ALX3: variants seen among roughly 807,000 people sequenced by gnomAD.
ALX3 encodes the protein homeobox protein aristaless-like 3.
Under a neutral mutation model 26.3 loss-of-function variants are expected in ALX3, and 17 were observed. The observed-to-expected ratio is 0.65, with a 90% CI of 0.44 to 0.97. The LOEUF (loss-of-function observed/expected upper bound fraction) is 0.97. Among genes scored for constraint, ALX3 ranks in the 50% least tolerant of loss-of-function variants. The pLI is 0.00. For missense variants in ALX3, 461 were observed against 466.5 expected (o/e 0.99, Z 0.11); for synonymous variants, 208 against 201.4 (o/e 1.03, Z -0.28).
intron 2 of ALX3, among the ~76,000 whole-genome samples, chr1:110,063,276 C>G (rs1029662458): frequency 6.6e-6 from 1 of 152,222 alleles, no homozygotes; most frequent in Non-Finnish European, 1.5e-5. Flanking sequence ...TCCTGATTCC[C>G]ATGGCTTATA....
intron 1 of ALX3, among the ~76,000 whole-genome samples, chr1:110,065,177 C>G (rs1028477179): frequency 6.6e-6 from 1 of 152,150 alleles, no homozygotes; most frequent in Non-Finnish European, 1.5e-5. Flanking sequence ...GGGAAGTGCT[C>G]TGTGGTGGTG....
rs2101793588 is a variant in ALX3 at position 110,060,139 on chromosome 1, G to A, written c.*594C>T. ...CCCTTGGAGGGGAAGATGACTGCATGGCATGCTGGGAGTGCAGGCACATGG... is the reference window on the plus strand; with the variant it reads ...CCCTTGGAGGGGAAGATGACTGCATAGCATGCTGGGAGTGCAGGCACATGG... On this transcript the variant is annotated 3_prime_UTR_variant, in exon 4 of 4. Transcript: ENST00000647563. 6.6e-6 allele frequency: 1 copy of A among 152,384 alleles called. No homozygotes were observed. Among genetic ancestry groups the A allele is most frequent in the East Asian group, 1.9e-4 (1 of 5,170 alleles). 9.4% of individuals were successfully genotyped at this position (152,384 alleles called of 1,614,324 possible).
intron 2 of ALX3, among the ~76,000 whole-genome samples, chr1:110,063,464 G>C (rs1379931176): frequency 6.6e-6 from 1 of 152,148 alleles, no homozygotes; most frequent in Non-Finnish European, 1.5e-5. Context: ...TGCAGCCGTA[G>C]GGCCTTCTCT....
intron 2 of ALX3, 139 bp downstream of exon 2, chr1:110,064,448 A>G (rs549960194): frequency 2.9e-5 from 30 of 1,033,662 alleles, no homozygotes; most frequent in Non-Finnish European, 4.0e-5. Flanking sequence ...TGAGCCCAGG[A>G]GGGGAAGGCT....
Position 110,064,764 on chromosome 1 carries a change from T to TC in ALX3, c.416dup (p.Leu140ThrfsTer3). On this transcript the variant is annotated frameshift_variant, in exon 2 of 4. Transcript: ENST00000647563. LOFTEE classifies it high-confidence loss of function. ...TGGCCAACTCCATGGAGTCAGGGAG[T>TC]CCCGGGGAAAGAGGAAGATGCAGGC... 6.2e-7 allele frequency: 1 copy of TC among 1,613,466 alleles called. No homozygotes were observed. Among genetic ancestry groups the TC allele is most frequent in the Non-Finnish European group, 8.5e-7 (1 of 1,179,898 alleles).
At chr1:110,064,451 G>A in intron 2 of ALX3, 136 bp downstream of exon 2, 2 of 1,076,604 alleles carry the variant, frequency 1.9e-6, no homozygotes, top group South Asian at 2.9e-5. Context: ...GCCCAGGAGG[G>A]GAAGGCTGGT....
chr1:110,070,305 G>C (rs931823181), intron 1 of ALX3, 31 bp downstream of exon 1: 8 of 1,291,672 alleles, frequency 6.2e-6, no homozygotes, highest in Non-Finnish European at 7.9e-6. Flanking sequence ...AGAGGGTCGG[G>C]CTGCGCGCTA....
Position 110,060,935 on chromosome 1 carries a change from G to A in ALX3, c.830C>T (p.Pro277Leu). The part of the protein sequence containing the change: ...PSPCMSPYSH[P>L]HGSVAGFMGV... ...CATGAAGCCAGCCACACTCCCATGG[G>A]GGTGGGAATATGGAGACATGCATGG... The change falls in exon 4 of 4, where the codon CCC becomes CTC. Residue 277 changes from proline (P) to leucine (L), a missense_variant. Coordinates refer to ENST00000647563, the MANE Select transcript of ALX3 (RefSeq NM_006492.3). The A allele has an allele frequency of 6.2e-7, 1 of 1,613,360 alleles. No homozygotes were observed. The highest frequency in any genetic ancestry group is 1.1e-5 in the South Asian group (1 of 91,026).
rs1653617439 is a variant in ALX3, at chr1:110,060,785, G to A, written c.980C>T (p.Ser327Leu). Reference protein sequence around the residue: ...DGDYKSPSLVSLRVKPKEPPG... With the variant: ...DGDYKSPSLVLLRVKPKEPPG... ...TGGCTCCTTGGGCTTTACCCTGAGC[G>A]AGACGAGGCTTGGAGACTTATAGTC... Residue 327 changes from serine to leucine, a missense_variant, in exon 4 of 4, where the codon TCG becomes TTG. Ser to Leu is a moderately radical substitution (Grantham distance 145). Coordinates refer to ENST00000647563, the MANE Select transcript of ALX3 (RefSeq NM_006492.3). 3 of 1,613,156 alleles carry A rather than the reference G, an allele frequency of 1.9e-6. No homozygotes were observed. The highest frequency in any genetic ancestry group is 2.5e-6 in the Non-Finnish European group (3 of 1,179,464).
intron 2 of ALX3, among the ~76,000 whole-genome samples, chr1:110,064,072 C>T (rs1041982405): frequency 6.6e-6 from 1 of 152,036 alleles, no homozygotes; most frequent in Non-Finnish European, 1.5e-5. Context: ...GACCCAAGGT[C>T]GGTGGCTCCT....
rs1232577650 is a variant in ALX3 at position 110,064,889 on chromosome 1, A to C, written c.292T>G (p.Ser98Ala). 5 of 1,608,294 alleles carry C rather than the reference A, an allele frequency of 3.1e-6. No homozygotes were observed. In the South Asian group the frequency reaches 5.5e-5, roughly 18 times the overall value. ...AGCTGGGGGAAGCTGGCAGCTTTGG[A>C]GGTCTTCTCCTCAGCTGCAATGGAG... ...EGPAEAEEKT[S>A]KAASFPQLPL... Residue 98 changes from serine (S) to alanine (A), a missense_variant, in exon 2 of 4, where the codon TCC (serine) becomes GCC (alanine). This residue lies in a region of ALX3 where 241 missense variants were observed against 206.1 expected (regional missense o/e 1.17). Coordinates refer to ENST00000647563, the MANE Select transcript of ALX3 (RefSeq NM_006492.3).
In ALX3 at chr1:110,070,473, C is replaced by T. The variant is rs1301333738; in HGVS notation, c.140G>A (p.Arg47Gln). 4 of 1,257,288 alleles carry T rather than the reference C, an allele frequency of 3.2e-6. No homozygotes were observed. The African/African-American group carries it at 4.6e-5, about 15-fold the overall frequency. The allele number at this position is 1,257,288 out of a possible 1,614,324, so 77.9% of individuals were successfully genotyped here. A position where few individuals can be genotyped will look rare whatever the true frequency, so the allele number is the denominator to read the frequency against. ...HLHPAPPRGP[R>Q]LTRFPACGPL... ...CCCGCAGGCCGGAAAGCGGGTCAGCCGCGGGCCGCGGGGCGGCGCGGGGTG... is the reference window on the plus strand; with the variant it reads ...CCCGCAGGCCGGAAAGCGGGTCAGCTGCGGGCCGCGGGGCGGCGCGGGGTG... Residue 47 changes from arginine (R) to glutamine (Q), a missense_variant, in exon 1 of 4, where the codon CGG becomes CAG. This residue lies in a region of ALX3 where 241 missense variants were observed against 206.1 expected (regional missense o/e 1.17). Coordinates refer to ENST00000647563, the MANE Select transcript of ALX3 (RefSeq NM_006492.3).
chr1:110,061,690 A>G lies in ALX3; in HGVS notation c.595-127T>C, dbSNP rs546279305. ...GCAGGCTCCAGGATGGAGGATCTCA[A>G]CTGTTAATCCACACTGTTCTCCAGG... On this transcript the variant is annotated intron_variant, in intron 2 of 3. Coordinates refer to ENST00000647563, the MANE Select transcript of ALX3 (RefSeq NM_006492.3). 4 of 1,399,392 alleles carry G rather than the reference A, an allele frequency of 2.9e-6. No homozygotes were observed. In the Admixed American group the frequency reaches 7.8e-5, roughly 27 times the overall value. The allele number at this position is 1,399,392 out of a possible 1,614,324, so 86.7% of individuals were successfully genotyped here.
chr1:110,068,357 A>G (rs1376679113), intron 1 of ALX3, among the ~76,000 whole-genome samples: 2 of 152,198 alleles, frequency 1.3e-5, no homozygotes, highest in Non-Finnish European at 2.9e-5. Context: ...ACTGTCCTCA[A>G]GCAGCCAGGC....
chr1:110,066,308 G>C (rs1653781602), intron 1 of ALX3, among the ~76,000 whole-genome samples: 1 of 152,192 alleles, frequency 6.6e-6, no homozygotes, highest in African/African-American at 2.4e-5. Flanking sequence ...GTCGAGCAGG[G>C]CTACCTAGCC....
In ALX3 at chr1:110,064,391, A is replaced by G. The variant is rs145976624; in HGVS notation, c.594+196T>C. Reference sequence around the variant, plus strand: ...CCCTTATACCCAGGCATAAGCTTCAATTTGGACCAGAAGAGCCTGTGGCTG... The same window carrying G: ...CCCTTATACCCAGGCATAAGCTTCAGTTTGGACCAGAAGAGCCTGTGGCTG... On this transcript the variant is annotated intron_variant, in intron 2 of 3. Coordinates refer to ENST00000647563, the MANE Select transcript of ALX3 (RefSeq NM_006492.3). 6.1e-3 allele frequency among the ~76,000 whole-genome samples: 936 copies of G among 152,276 alleles called. 16 individuals carry two copies. The highest frequency in any genetic ancestry group is 0.021 in the African/African-American group (890 of 41,568).
chr1:110,064,778 G>A lies in ALX3; in HGVS notation c.403C>T (p.Pro135Ser), dbSNP rs750826128. The A allele has an allele frequency of 6.2e-7, 1 of 1,614,204 alleles. No individual in the cohort carries two copies. Among genetic ancestry groups the A allele is most frequent in the Non-Finnish European group, 8.5e-7 (1 of 1,180,036 alleles). The part of the protein sequence containing the change: ...PGPCLASLHL[P>S]LSPGLPDSME... ...GAGTCAGGGAGTCCCGGGGAAAGAG[G>A]AAGATGCAGGCTGGCCAGGCAGGGG... Residue 135 changes from proline (P) to serine (S), a missense_variant, in exon 2 of 4, where the codon CCT becomes TCT. By Grantham distance (74) the Pro-to-Ser change is moderately conservative. Transcript: ENST00000647563.
At position 110,060,605 on chromosome 1, in the gene ALX3, G is replaced by A; in HGVS notation, c.*128C>T. The A allele has an allele frequency of 2.4e-6, 2 of 825,322 alleles. No individual in the cohort carries two copies. The highest frequency in any genetic ancestry group is 3.7e-6 in the Non-Finnish European group (2 of 545,716). The allele number at this position is 825,322 out of a possible 1,614,324, so 51.1% of individuals were successfully genotyped here. On this transcript the variant is annotated 3_prime_UTR_variant, in exon 4 of 4. Coordinates refer to ENST00000647563, the MANE Select transcript of ALX3 (RefSeq NM_006492.3). ...AGACCCTGTAACGTGTTCCCTGCTGGGGGCTGACAGTGCCAGCTGCTCTCG... is the reference window on the plus strand; with the variant it reads ...AGACCCTGTAACGTGTTCCCTGCTGAGGGCTGACAGTGCCAGCTGCTCTCG...
intron 2 of ALX3, 94 bp from the exon 3 acceptor site, chr1:110,061,657 G>C: frequency 6.4e-7 from 1 of 1,551,402 alleles, no homozygotes; most frequent in Non-Finnish European, 8.8e-7. Flanking sequence ...CCTCTTGTGG[G>C]ATGGGGAGCA....
Sources: allele counts gnomAD v4.1 joint callset (sites outside exome capture counted in the v4.1 genomes callset), GRCh38; gene constraint gnomAD v4.1.1; regional missense constraint gnomAD v4.1.1; transcripts MANE v1.5; gene names NCBI Gene and HGNC (gene_info 2026-07-23, HGNC 2026-07-21).